ATM: variants seen among roughly 807,000 people sequenced by gnomAD.
The protein encoded by ATM is ATM serine/threonine kinase.
Under a neutral mutation model 387.0 loss-of-function variants are expected in ATM, and 308 were observed. The observed-to-expected ratio is 0.80, with a 90% CI of 0.73 to 0.87. ATM has a LOEUF of 0.87. ATM is among the 40% of genes least tolerant of loss of function. The pLI, the probability that ATM is intolerant of heterozygous loss-of-function variation, is 0.00. For missense variants in ATM, 3,312 were observed against 3,560.9 expected (o/e 0.93, Z 1.78); for synonymous variants, 1,156 against 1,187.3 (o/e 0.97, Z 0.54).
chr11:108,317,102 T>TAAA (rs113573757), intron 42 of ATM, among the ~76,000 whole-genome samples: 1 of 144,580 alleles, frequency 6.9e-6, no homozygotes, highest in African/African-American at 2.5e-5. Context: ...CCCAGCTATT[T>TAAA]TAAAAAAAAA....
At chr11:108,236,096 T>C (rs1798986890) in intron 5 of ATM, 1 of 469,986 alleles carries the variant, frequency 2.1e-6, no homozygotes, top group South Asian at 2.1e-5. Flanking sequence ...CGTCAAGGAG[T>C]TGACAGTGGC....
At chr11:108,330,144 AT>A (rs2086100338) in intron 49 of ATM, 69 bp from the exon 50 acceptor site, 1 of 1,510,376 alleles carries the variant, frequency 6.6e-7, no homozygotes, top group Non-Finnish European at 9.1e-7. Context: ...AATGTTGTAT[AT>A]CATGTGTGAT....
At chr11:108,253,790 A>G (rs771353416) in intron 12 of ATM, 24 bp from the exon 13 acceptor site, 39 of 1,582,260 alleles carry the variant, frequency 2.5e-5, no homozygotes, top group Non-Finnish European at 9.5e-6. Context: ...TGGTTTATAT[A>G]TTAAAGATCT....
chr11:108,321,510 C>T lies in ATM; in HGVS notation c.6572+90C>T, dbSNP rs529993536. 188 of 1,575,608 alleles carry T rather than the reference C, an allele frequency of 1.2e-4. 1 individual carries two copies. Among genetic ancestry groups the T allele is most frequent in the South Asian group, 4.8e-4 (43 of 90,028 alleles). On this transcript the variant is annotated intron_variant, in intron 45 of 62. Coordinates refer to ENST00000675843, the MANE Select transcript of ATM (RefSeq NM_000051.4). ...AAAAATAAAAACTATAGGCCGGGCA[C>T]GGTGGCTCATGCCTGTAATCCTAGC...
At chr11:108,248,870 A>G in intron 8 of ATM, 63 bp from the exon 9 acceptor site, 1 of 1,423,612 alleles carries the variant, frequency 7.0e-7, no homozygotes, top group Non-Finnish European at 9.5e-7. Flanking sequence ...CCTGGGCAAC[A>G]ACAGCGAAAC....
chr11:108,239,792 A>G (rs1434214862), intron 5 of ATM, among the ~76,000 whole-genome samples: 1 of 152,136 alleles, frequency 6.6e-6, no homozygotes, highest in East Asian at 1.9e-4. Context: ...CTACATTCTC[A>G]CTAGCACAAC....
At chr11:108,353,922 C>G (rs1342395364) in intron 60 of ATM, 42 bp downstream of exon 60, 2 of 1,538,836 alleles carry the variant, frequency 1.3e-6, no homozygotes, top group Non-Finnish European at 1.8e-6. Flanking sequence ...TTTTTGATGT[C>G]AAAATTACAT....
chr11:108,286,312 CAAAAAAAAAAAA>C (rs34917552), intron 26 of ATM, among the ~76,000 whole-genome samples: 4 of 47,198 alleles, frequency 8.5e-5, no homozygotes, highest in East Asian at 8.8e-4. Flanking sequence ...GATTTCGTCT[CAAAAAAAAAAAA>C]AAAAAAAAAA....
At chr11:108,319,834 G>T in intron 43 of ATM, 120 bp from the exon 44 acceptor site, 1 of 698,014 alleles carries the variant, frequency 1.4e-6, no homozygotes, top group South Asian at 1.9e-5. Context: ...TTCTAGAAAT[G>T]CATTTTTTAG....
rs879253983 is a variant in ATM, at chr11:108,317,487, A to G, written c.6313A>G (p.Arg2105Gly). ...LEELHYQAAW[R>G]NMQWDHCTSV... ...AGAACTTCATTACCAAGCAGCATGG[A>G]GGAATATGCAGTGGGACCATTGCAC... Residue 2105 changes from arginine (R) to glycine (G), a missense_variant, in exon 43 of 63, where the codon AGG becomes GGG. Coordinates refer to ENST00000675843, the MANE Select transcript of ATM (RefSeq NM_000051.4). 6.2e-7 allele frequency: 1 copy of G among 1,611,498 alleles called. No homozygotes were observed.
intron 18 of ATM, among the ~76,000 whole-genome samples, chr11:108,268,865 A>C (rs1040445289): frequency 2.0e-5 from 3 of 152,342 alleles, no homozygotes; most frequent in African/African-American, 7.2e-5. Context: ...AAATTATTTT[A>C]ATTAGGCTAA....
At chr11:108,225,043 C>T (rs1446590750) in intron 1 of ATM, 5 of 152,126 alleles carry the variant, frequency 3.3e-5, no homozygotes, top group Admixed American at 6.5e-5. Context: ...AAGGAAGTCA[C>T]ACCATGGGGA....
chr11:108,355,712 C>T (rs1296113257), intron 61 of ATM: 2 of 152,180 alleles, frequency 1.3e-5, no homozygotes, highest in Non-Finnish European at 2.9e-5. Flanking sequence ...CAAATTCAAA[C>T]CAGGTTTCTA....
chr11:108,334,854 T>A, intron 54 of ATM, 115 bp from the exon 55 acceptor site: 1 of 1,275,544 alleles, frequency 7.8e-7, no homozygotes, highest in Admixed American at 1.9e-5. Flanking sequence ...TTAACCACTA[T>A]CACATCGTCA....
chr11:108,316,217 G>GTTCT, intron 42 of ATM, 104 bp downstream of exon 42: 1 of 1,074,556 alleles, frequency 9.3e-7, no homozygotes, highest in Non-Finnish European at 1.4e-6. Flanking sequence ...CTAGAGATAA[G>GTTCT]ACTAGAACTT....
At chr11:108,332,330 G>A (rs1385066634) in intron 52 of ATM, among the ~76,000 whole-genome samples, 9 of 152,106 alleles carry the variant, frequency 5.9e-5, no homozygotes, top group African/African-American at 2.2e-4. Flanking sequence ...TACTCGGGAG[G>A]CTGAGGCAGG....
At chr11:108,293,909 ATATATATATATG>A in intron 31 of ATM, among the ~76,000 whole-genome samples, 1 of 142,630 alleles carries the variant, frequency 7.0e-6, no homozygotes, top group African/African-American at 2.5e-5. Context: ...ATATATATAT[ATATATATATATG>A]TGTGTGTATA....
chr11:108,239,778 T>TTC (rs2079469058), intron 5 of ATM, among the ~76,000 whole-genome samples: 1 of 152,198 alleles, frequency 6.6e-6, no homozygotes, highest in African/African-American at 2.4e-5. Flanking sequence ...GGGTTCCAGT[T>TTC]TCTCTACATT....
chr11:108,248,437 G>A (rs1433430780), intron 8 of ATM, among the ~76,000 whole-genome samples: 1 of 152,118 alleles, frequency 6.6e-6, no homozygotes, highest in African/African-American at 2.4e-5. Flanking sequence ...GCTTTCTAAA[G>A]TGCCATTACT....
Sources: allele counts gnomAD v4.1 joint callset (sites outside exome capture counted in the v4.1 genomes callset), GRCh38; gene constraint gnomAD v4.1.1; transcripts MANE v1.5; gene names NCBI Gene and HGNC (gene_info 2026-07-23, HGNC 2026-07-21).